ADAMTS3: variants seen among roughly 807,000 people sequenced by gnomAD.
The protein encoded by ADAMTS3 is A disintegrin and metalloproteinase with thrombospondin motifs 3.
ADAMTS3 carries 73 observed loss-of-function variants against 129.0 expected under a neutral mutation model. That is an observed-to-expected ratio of 0.57 (90% CI 0.47 to 0.69). ADAMTS3 has a LOEUF of 0.69. ADAMTS3 is among the 30% of genes least tolerant of loss of function. The pLI, the probability that ADAMTS3 is intolerant of heterozygous loss-of-function variation, is 0.00. For missense variants in ADAMTS3, 1,457 were observed against 1,514.5 expected (o/e 0.96, Z 0.63); for synonymous variants, 477 against 510.8 (o/e 0.93, Z 0.89).
chr4:72,290,241 G>A (rs538021382), intron 20 of ADAMTS3, among the ~76,000 whole-genome samples: 2 of 152,268 alleles, frequency 1.3e-5, no homozygotes, highest in South Asian at 2.1e-4. Flanking sequence ...ATAGATTCAA[G>A]AATCAGAGTT....
intron 21 of ADAMTS3, among the ~76,000 whole-genome samples, chr4:72,286,358 C>T (rs1718505410): frequency 6.6e-6 from 1 of 152,176 alleles, no homozygotes; most frequent in Admixed American, 6.5e-5. Flanking sequence ...GTATTTTGAG[C>T]TCTTACATAT....
chr4:72,294,432 TAG>T (rs544100763), intron 19 of ADAMTS3, among the ~76,000 whole-genome samples: 210 of 152,200 alleles, frequency 1.4e-3, no homozygotes, highest in African/African-American at 4.8e-3. Context: ...TCAAAATTGC[TAG>T]GAGAGCAGAT....
chr4:72,552,039 C>T (rs535862793), intron 2 of ADAMTS3, among the ~76,000 whole-genome samples: 3 of 152,294 alleles, frequency 2.0e-5, no homozygotes, highest in African/African-American at 7.2e-5. Context: ...AAGCTCAAAG[C>T]AATCAAAAGA....
At chr4:72,322,920 C>A in intron 6 of ADAMTS3, 94 bp downstream of exon 6, 4 of 983,076 alleles carry the variant, frequency 4.1e-6, no homozygotes, top group Non-Finnish European at 6.4e-6. Context: ...TGGAATATAT[C>A]TATGCCTTAA....
At chr4:72,475,114 G>A (rs1422112385) in intron 3 of ADAMTS3, among the ~76,000 whole-genome samples, 6 of 150,666 alleles carry the variant, frequency 4.0e-5, no homozygotes, top group Admixed American at 4.0e-4. Flanking sequence ...AAATAGAGGA[G>A]GAGAAAAAAA....
At chr4:72,555,701 G>A (rs1261992030) in intron 2 of ADAMTS3, among the ~76,000 whole-genome samples, 1 of 151,714 alleles carries the variant, frequency 6.6e-6, no homozygotes, top group Non-Finnish European at 1.5e-5. Context: ...TTGGATCTGT[G>A]TCCCCACTGA....
At position 72,421,336 on chromosome 4, in the gene ADAMTS3, C is replaced by T. The variant is rs1219159560; in HGVS notation, c.505-6365G>A. On this transcript the variant is annotated intron_variant, in intron 3 of 21. Coordinates refer to ENST00000286657, the MANE Select transcript of ADAMTS3 (RefSeq NM_014243.3). ...TGCCTGGCCCAATTCAGTATATAAG[C>T]TTCACATGGGCATGGGCTTTGCCAT... Among the ~76,000 whole-genome samples, 6 of 152,314 alleles carry T rather than the reference C, an allele frequency of 3.9e-5. No individual in the cohort carries two copies. The East Asian group carries it at 1.2e-3, about 29-fold the overall frequency.
intron 3 of ADAMTS3, among the ~76,000 whole-genome samples, chr4:72,422,915 T>C (rs957303195): frequency 6.6e-6 from 1 of 152,184 alleles, no homozygotes; most frequent in Non-Finnish European, 1.5e-5. Context: ...TATATGTCTA[T>C]AATAATAAAA....
intron 4 of ADAMTS3, among the ~76,000 whole-genome samples, chr4:72,386,759 T>A (rs1721459239): frequency 1.3e-5 from 2 of 152,112 alleles, no homozygotes; most frequent in African/African-American, 4.8e-5. Context: ...ATCTAGGTGG[T>A]CCTACTCAAG....
chr4:72,505,018 G>A (rs769020730), intron 3 of ADAMTS3, among the ~76,000 whole-genome samples: 4 of 152,184 alleles, frequency 2.6e-5, no homozygotes, highest in Non-Finnish European at 4.4e-5. Flanking sequence ...ATCTTGTTGA[G>A]CTTCCTTGCA....
chr4:72,534,163 T>C (rs1176937029), intron 3 of ADAMTS3, among the ~76,000 whole-genome samples: 1 of 151,980 alleles, frequency 6.6e-6, no homozygotes, highest in Non-Finnish European at 1.5e-5. Flanking sequence ...CCGTCTCTAC[T>C]AAAAATACAA....
At chr4:72,508,201 TCTC>T (rs1720214840) in intron 3 of ADAMTS3, among the ~76,000 whole-genome samples, 1 of 152,074 alleles carries the variant, frequency 6.6e-6, no homozygotes. Flanking sequence ...ACCCTGCAAA[TCTC>T]CTCTCTATAA....
chr4:72,509,565 C>T (rs1047753824), intron 3 of ADAMTS3, among the ~76,000 whole-genome samples: 26 of 151,754 alleles, frequency 1.7e-4, no homozygotes, highest in African/African-American at 2.7e-4. Flanking sequence ...GATTGAACCA[C>T]GAAGAAATCC....
chr4:72,513,845 T>C (rs921294044), intron 3 of ADAMTS3, among the ~76,000 whole-genome samples: 1 of 152,178 alleles, frequency 6.6e-6, no homozygotes, highest in African/African-American at 2.4e-5. Context: ...TCTCCCATCC[T>C]TCCTCTTTTT....
chr4:72,490,930 T>A (rs1165749213), intron 3 of ADAMTS3, among the ~76,000 whole-genome samples: 1 of 151,912 alleles, frequency 6.6e-6, no homozygotes, highest in African/African-American at 2.4e-5. Context: ...TAGTAACATT[T>A]TAACAATATT....
Position 72,288,830 on chromosome 4 carries a change from C to A in ADAMTS3, c.2970G>T (p.Gln990His). The change falls in exon 21 of 22, where the codon CAG becomes CAT. Residue 990 changes from glutamine (Q) to histidine (H), a missense_variant. Coordinates refer to ENST00000286657, the MANE Select transcript of ADAMTS3 (RefSeq NM_014243.3). ...AGTGGTCCCCAGCCCTGCAGAGGAC[C>A]TGCCTCACCTCCGTTCCTTCACCGC... Reference protein sequence around the residue: ...VTCGEGTEVRQVLCRAGDHCD... With the variant: ...VTCGEGTEVRHVLCRAGDHCD... The A allele has an allele frequency of 6.2e-7, 1 of 1,613,776 alleles. No individual in the cohort carries two copies. Among genetic ancestry groups the A allele is most frequent in the Non-Finnish European group, 8.5e-7 (1 of 1,179,916 alleles).
Position 72,283,586 on chromosome 4 carries a change from G to C in ADAMTS3, c.3168C>G (p.Thr1056=). Residue 1056 remains threonine, a synonymous_variant, in exon 22 of 22, where the codon ACC becomes ACG. Transcript: ENST00000286657. ...CTTCTAGAAGGTATGGTGGTGGCAG[G>C]GTGCTACTGCGCTTGCTGCAGGACT... ...CCESCSKRSS[T]LPPPYLLEAA... The C allele has an allele frequency of 1.2e-6, 2 of 1,613,900 alleles. No individual in the cohort carries two copies. Among genetic ancestry groups the C allele is most frequent in the Non-Finnish European group, 1.7e-6 (2 of 1,179,940 alleles).
intron 3 of ADAMTS3, among the ~76,000 whole-genome samples, chr4:72,539,169 A>T (rs1298606841): frequency 2.6e-5 from 4 of 152,170 alleles, no homozygotes; most frequent in African/African-American, 9.6e-5. Context: ...GGACTTCATG[A>T]AAATAAAAAG....
intron 3 of ADAMTS3, among the ~76,000 whole-genome samples, chr4:72,472,832 C>A (rs761299092): frequency 6.6e-6 from 1 of 152,046 alleles, no homozygotes. Flanking sequence ...AAGCACTGCA[C>A]GAACTTTGGC....
Sources: allele counts gnomAD v4.1 joint callset (sites outside exome capture counted in the v4.1 genomes callset), GRCh38; gene constraint gnomAD v4.1.1; transcripts MANE v1.5; gene names NCBI Gene and HGNC (gene_info 2026-07-23, HGNC 2026-07-21).